Variants in NCOA3 observed in about 807,000 individuals in gnomAD.
NCOA3 encodes CBP-interacting protein.
In NCOA3, 51 loss-of-function variants were observed where a neutral mutation model predicts 158.8. The observed-to-expected ratio is 0.32, with a 90% CI of 0.26 to 0.41. The LOEUF is 0.41. NCOA3 is among the 10% of genes least tolerant of loss of function. The pLI is 1.00. For missense variants in NCOA3, 1,510 were observed against 1,746.6 expected (o/e 0.86, Z 2.41); for synonymous variants, 537 against 592.4 (o/e 0.91, Z 1.36).
intron 1 of NCOA3, among the ~76,000 whole-genome samples, chr20:47,523,182 T>G (rs1602341498): frequency 6.6e-6 from 1 of 152,284 alleles, no homozygotes; most frequent in East Asian, 1.9e-4. Flanking sequence ...CGAGCCTCCG[T>G]CTCAAAACAA....
At chr20:47,553,281 C>T (rs2084950573) in intron 1 of NCOA3, among the ~76,000 whole-genome samples, 1 of 152,124 alleles carries the variant, frequency 6.6e-6, no homozygotes, top group Admixed American at 6.6e-5. Flanking sequence ...AGTTCCTCTG[C>T]TTTCAAGGGA....
At chr20:47,584,619 C>CA (rs59337239) in intron 2 of NCOA3, among the ~76,000 whole-genome samples, 27,762 of 108,032 alleles carry the variant, frequency 0.26, 3,156 homozygotes, top group Middle Eastern at 0.35. Flanking sequence ...GACTTCATCT[C>CA]AAAAAAAAAA....
chr20:47,593,334 A>AT (rs71183267), intron 2 of NCOA3, among the ~76,000 whole-genome samples: 11,497 of 63,494 alleles, frequency 0.18, 3,453 homozygotes, highest in East Asian at 0.39. Flanking sequence ...GAGTTGATGG[A>AT]TTTTTTTTTT....
chr20:47,568,365 CATTGTGATAAAATGAAT>C (rs1477697605), intron 1 of NCOA3, among the ~76,000 whole-genome samples: 1 of 152,162 alleles, frequency 6.6e-6, no homozygotes, highest in South Asian at 2.1e-4. Flanking sequence ...TACCTCAGAC[CATTGTGATAAAATGAAT>C]ATTGTGATAA....
At chr20:47,524,306 T>C (rs979921608) in intron 1 of NCOA3, among the ~76,000 whole-genome samples, 1 of 152,188 alleles carries the variant, frequency 6.6e-6, no homozygotes, top group Non-Finnish European at 1.5e-5. Flanking sequence ...TAAAGACTCC[T>C]GCATGTTAGA....
chr20:47,653,526 G>C lies in NCOA3; in HGVS notation c.*109G>C. The C allele has an allele frequency of 7.8e-7, 1 of 1,290,090 alleles. No individual in the cohort carries two copies. The highest frequency in any genetic ancestry group is 1.1e-6 in the Non-Finnish European group (1 of 908,206). 79.9% of individuals were successfully genotyped at this position (1,290,090 alleles called of 1,614,324 possible). A position where few individuals can be genotyped will look rare whatever the true frequency, so the allele number is the denominator to read the frequency against. On this transcript the variant is annotated 3_prime_UTR_variant, in exon 23 of 23. Transcript: ENST00000371998. ...GCATCCATCTTGGAAGAAAGGACCA[G>C]CTTTGAGCTCCATCAAGGGTATTTT...
At chr20:47,627,466 C>CA (rs1235542586) in intron 6 of NCOA3, 95 bp from the exon 7 acceptor site, 55 of 954,538 alleles carry the variant, frequency 5.8e-5, no homozygotes, top group Non-Finnish European at 8.8e-5. Context: ...CTATGGAAAA[C>CA]ATGCATAATG....
At chr20:47,622,182 G>C in intron 2 of NCOA3, 47 bp from the exon 3 acceptor site, 4 of 1,000,040 alleles carry the variant, frequency 4.0e-6, no homozygotes, top group Non-Finnish European at 4.6e-6. Flanking sequence ...ATAGAGTCAT[G>C]TATATTTTTT....
intron 1 of NCOA3, among the ~76,000 whole-genome samples, chr20:47,505,904 C>A (rs2084025534): frequency 6.7e-6 from 1 of 149,540 alleles, no homozygotes. Context: ...CAGGTTCAAG[C>A]GATTCTCGTG....
intron 2 of NCOA3, among the ~76,000 whole-genome samples, chr20:47,618,057 T>TC (rs1199624308): frequency 1.4e-4 from 22 of 152,172 alleles, no homozygotes; most frequent in Admixed American, 1.4e-3. Flanking sequence ...GCCATCATGG[T>TC]GAAACCCTGT....
intron 2 of NCOA3, among the ~76,000 whole-genome samples, chr20:47,583,825 C>A (rs1283919305): frequency 2.0e-5 from 3 of 152,270 alleles, no homozygotes; most frequent in African/African-American, 7.2e-5. Context: ...ACATAGTGGC[C>A]TGTGCCTTAG....
intron 1 of NCOA3, among the ~76,000 whole-genome samples, chr20:47,512,579 A>AC (rs896009392): frequency 1.1e-4 from 16 of 150,988 alleles, no homozygotes; most frequent in Non-Finnish European, 2.2e-4. Context: ...TAAAAAAAAA[A>AC]AAAAAAAAAA....
chr20:47,635,931 C>T lies in NCOA3; in HGVS notation c.1545C>T (p.Asn515=). 6.2e-7 allele frequency: 1 copy of T among 1,613,992 alleles called. No homozygotes were observed. Among genetic ancestry groups the T allele is most frequent in the Non-Finnish European group, 8.5e-7 (1 of 1,179,956 alleles). ...SPMASSGNTG[N]HSFSSSSLSA... ...TGGCATCTTCTGGCAATACTGGGAA[C>T]CACAGCTTTTCCAGCAGCTCTCTCA... The change falls in exon 12 of 23, where the codon AAC becomes AAT. Residue 515 remains asparagine, a synonymous_variant. Coordinates refer to ENST00000371998, the MANE Select transcript of NCOA3 (RefSeq NM_181659.3).
intron 1 of NCOA3, among the ~76,000 whole-genome samples, chr20:47,512,569 T>C (rs1177759873): frequency 2.4e-5 from 2 of 84,778 alleles, no homozygotes; most frequent in Non-Finnish European, 4.6e-5. Context: ...TCTGTCTCAC[T>C]AAAAAAAAAA....
chr20:47,540,612 C>A (rs1255840958), intron 1 of NCOA3, among the ~76,000 whole-genome samples: 1 of 151,784 alleles, frequency 6.6e-6, no homozygotes, highest in Non-Finnish European at 1.5e-5. Flanking sequence ...TGTATTTACT[C>A]TGTGCTAGCT....
chr20:47,607,269 A>G (rs1428200696), intron 2 of NCOA3, among the ~76,000 whole-genome samples: 1 of 152,242 alleles, frequency 6.6e-6, no homozygotes, highest in Non-Finnish European at 1.5e-5. Context: ...CTGAAAACAG[A>G]GTAGAAGTTA....
intron 2 of NCOA3, among the ~76,000 whole-genome samples, chr20:47,609,413 A>G (rs1022721910): frequency 6.6e-6 from 1 of 152,184 alleles, no homozygotes; most frequent in South Asian, 2.1e-4. Flanking sequence ...GATATTCTCT[A>G]ATAATAATGA....
At chr20:47,596,337 A>G (rs556210462) in intron 2 of NCOA3, among the ~76,000 whole-genome samples, 1 of 152,314 alleles carries the variant, frequency 6.6e-6, no homozygotes, top group South Asian at 2.1e-4. Context: ...CATGTTGTGT[A>G]TAATTCATTT....
intron 17 of NCOA3, among the ~76,000 whole-genome samples, chr20:47,644,556 C>G (rs775619106): frequency 1.4e-4 from 22 of 152,196 alleles, no homozygotes; most frequent in Admixed American, 5.2e-4. Flanking sequence ...TCTGGTGATC[C>G]CTGACTGTTC....
Sources: gnomAD v4.1 joint callset for allele counts (sites outside exome capture counted in the v4.1 genomes callset) on GRCh38, gnomAD v4.1.1 for gene constraint, MANE v1.5 for transcripts, NCBI Gene and HGNC (gene_info 2026-07-23, HGNC 2026-07-21) for gene names.